The following LYG1 variants were observed in gnomAD, a reference collection of about 807,000 sequenced individuals.
The protein encoded by LYG1 is lysozyme g1, also known as lysozyme g-like protein 1.
In LYG1, 17 loss-of-function variants were observed where a neutral mutation model predicts 21.7. The observed-to-expected ratio is 0.78, with a 90% CI of 0.54 to 1.18. The LOEUF is 1.18. Among genes scored for constraint, LYG1 ranks in the 50% most tolerant of loss-of-function variants. LYG1 has a pLI of 0.00. For missense variants in LYG1, 211 were observed against 238.1 expected (o/e 0.89, Z 0.75); for synonymous variants, 81 against 87.4 (o/e 0.93, Z 0.41).
At chr2:99,298,120 TGTTTAGAAGA>T (rs1347659337) in intron 2 of LYG1, among the ~76,000 whole-genome samples, 1 of 152,214 alleles carries the variant, frequency 6.6e-6, no homozygotes, top group African/African-American at 2.4e-5. Context: ...AAGTACTCTG[TGTTTAGAAGA>T]GATTGTTGAG....
chr2:99,291,132 A>T, intron 5 of LYG1, 105 bp downstream of exon 5: 1 of 1,070,830 alleles, frequency 9.3e-7, no homozygotes, highest in South Asian at 1.5e-5. Flanking sequence ...AGCTCTAGAG[A>T]CCTTCATTCA....
chr2:99,284,632 T>C (rs2094092048), intron 6 of LYG1, 56 bp downstream of exon 6: 12 of 1,602,712 alleles, frequency 7.5e-6, no homozygotes, highest in Non-Finnish European at 1.0e-5. Flanking sequence ...CAATGTATTA[T>C]ATTTGTCCCT....
chr2:99,300,612 T>C (rs374234953), intron 1 of LYG1, among the ~76,000 whole-genome samples: 1 of 152,026 alleles, frequency 6.6e-6, no homozygotes, highest in African/African-American at 2.4e-5. Flanking sequence ...GTCTATGGGT[T>C]AATGTAGCAT....
In LYG1 at chr2:99,284,368, ATGGTCT is replaced by A. The variant is rs751329866; in HGVS notation, c.*19_*24del. The A allele has an allele frequency of 3.8e-5, 61 of 1,604,268 alleles. No homozygotes were observed. Among genetic ancestry groups the A allele is most frequent in the Non-Finnish European group, 6.8e-6 (8 of 1,171,614 alleles). On this transcript the variant is annotated 3_prime_UTR_variant, in exon 7 of 7. Coordinates refer to ENST00000308528, the MANE Select transcript of LYG1 (RefSeq NM_174898.3). ...AACATTTGAGGCTGCATATGTGATC[ATGGTCT>A]TGGGTTTCATCTGAGATGTTAGAAG...
At chr2:99,289,276 A>G (rs570808969) in intron 5 of LYG1, among the ~76,000 whole-genome samples, 1 of 152,262 alleles carries the variant, frequency 6.6e-6, no homozygotes, top group Admixed American at 6.5e-5. Context: ...CCTGGGCAAC[A>G]TGATGAAACC....
intron 3 of LYG1, among the ~76,000 whole-genome samples, chr2:99,294,555 G>C (rs2094130683): frequency 1.3e-5 from 2 of 152,042 alleles, no homozygotes; most frequent in African/African-American, 4.8e-5. Flanking sequence ...TTTATGACTG[G>C]TGACAAATAC....
chr2:99,291,917 T>C (rs2094119683), intron 4 of LYG1, among the ~76,000 whole-genome samples: 1 of 152,172 alleles, frequency 6.6e-6, no homozygotes. Flanking sequence ...TCTGAAATAA[T>C]AAGAATGCTG....
intron 5 of LYG1, among the ~76,000 whole-genome samples, chr2:99,290,899 T>G (rs1363951972): frequency 6.6e-6 from 1 of 152,214 alleles, no homozygotes. Context: ...TAAGGCCCAG[T>G]GAGATTAAAT....
chr2:99,303,587 G>A (rs577662306), upstream of LYG1, among the ~76,000 whole-genome samples: 12 of 152,176 alleles, frequency 7.9e-5, no homozygotes, highest in Admixed American at 1.3e-4. Flanking sequence ...GGCACATGAC[G>A]GTCAGATTTA....
upstream of LYG1, among the ~76,000 whole-genome samples, chr2:99,301,424 G>A (rs1379395076): frequency 2.6e-4 from 37 of 144,578 alleles, no homozygotes; most frequent in East Asian, 4.4e-3. Flanking sequence ...AGAGTGAGAA[G>A]GAGAGAGAGA....
In LYG1 at chr2:99,292,985, C is replaced by CTTTTTTTT. The variant is rs70940159; in HGVS notation, c.44-353_44-346dup. Among the ~76,000 whole-genome samples the CTTTTTTTT allele has an allele frequency of 9.7e-4, 81 of 83,134 alleles. 1 individual carries two copies. Among genetic ancestry groups the CTTTTTTTT allele is most frequent in the East Asian group, 1.2e-3 (3 of 2,456 alleles). 54.5% of individuals were successfully genotyped at this position (83,134 alleles called of 152,430 possible). ...TCCCTGTAAAGTAGTCCTCATCTTA[C>CTTTTTTTT]TTTTTTTTTTTTTTTTTTTTTTTTG... On this transcript the variant is annotated intron_variant, in intron 3 of 6. Coordinates refer to ENST00000308528, the MANE Select transcript of LYG1 (RefSeq NM_174898.3).
At chr2:99,293,937 A>G (rs1487916743) in intron 3 of LYG1, among the ~76,000 whole-genome samples, 1 of 152,046 alleles carries the variant, frequency 6.6e-6, no homozygotes, top group African/African-American at 2.4e-5. Context: ...TAATTAATTT[A>G]TCTATAGACA....
At chr2:99,299,925 T>TAC (rs1308845710) in intron 1 of LYG1, among the ~76,000 whole-genome samples, 2 of 150,850 alleles carry the variant, frequency 1.3e-5, no homozygotes, top group Admixed American at 6.6e-5. Context: ...CACACACACG[T>TAC]ACACACACAC....
chr2:99,287,422 G>A (rs11678213), intron 5 of LYG1, among the ~76,000 whole-genome samples: 2,069 of 152,188 alleles, frequency 0.014, 14 homozygotes, highest in Admixed American at 0.02. Context: ...AATAACTAAA[G>A]GGTACAGGCT....
At chr2:99,294,576 G>A (rs1204798804) in intron 3 of LYG1, among the ~76,000 whole-genome samples, 2 of 152,076 alleles carry the variant, frequency 1.3e-5, no homozygotes, top group Non-Finnish European at 2.9e-5. Context: ...CCTTAGTACT[G>A]CAGTTGGTTT....
At chr2:99,296,283 G>A (rs1025931565) in intron 2 of LYG1, among the ~76,000 whole-genome samples, 6 of 152,010 alleles carry the variant, frequency 3.9e-5, no homozygotes, top group Non-Finnish European at 8.8e-5. Flanking sequence ...TTCCCCCTCT[G>A]TAAAACCCCA....
upstream of LYG1, among the ~76,000 whole-genome samples, chr2:99,301,614 A>G (rs74177686): frequency 0.79 from 78,371 of 99,126 alleles, 32,076 homozygotes; most frequent in Middle Eastern, 0.97. Flanking sequence ...TTTCTTACAG[A>G]CCCAGACAGG....
chr2:99,295,598 A>G, intron 3 of LYG1, 30 bp downstream of exon 3: 8 of 1,613,648 alleles, frequency 5.0e-6, no homozygotes, highest in Non-Finnish European at 6.8e-6. Flanking sequence ...CCCATCTCCA[A>G]AGTCATTTGT....
intron 3 of LYG1, among the ~76,000 whole-genome samples, 169 bp downstream of exon 3, chr2:99,295,459 T>C (rs957836653): frequency 6.6e-6 from 1 of 152,182 alleles, no homozygotes; most frequent in East Asian, 1.9e-4. Context: ...TGTGGGACAT[T>C]TGGGGAGAGG....
Sources: allele counts gnomAD v4.1 joint callset (sites outside exome capture counted in the v4.1 genomes callset), GRCh38; gene constraint gnomAD v4.1.1; transcripts MANE v1.5; gene names NCBI Gene and HGNC (gene_info 2026-07-23, HGNC 2026-07-21).